CDC40: variants seen among roughly 807,000 people sequenced by gnomAD.
CDC40 encodes the protein cell division cycle 40.
CDC40 carries 27 observed loss-of-function variants against 80.6 expected under a neutral mutation model. That is an observed-to-expected ratio of 0.33 (90% CI 0.25 to 0.46). CDC40 has a LOEUF of 0.46. CDC40 is among the 20% of genes least tolerant of loss of function. CDC40 has a pLI of 1.00. For missense variants in CDC40, 486 were observed against 694.1 expected, an observed-to-expected ratio of 0.70 and a Z score of 3.37; for synonymous variants, 221 against 232.6, an observed-to-expected ratio of 0.95 and a Z score of 0.45.
rs200915168 is a variant in CDC40 at position 110,195,504 on chromosome 6, T to TA, written c.276+2237dup. Among the ~76,000 whole-genome samples the TA allele has an allele frequency of 2.0e-3, 305 of 152,278 alleles. 9 individuals are homozygous for TA. The East Asian group carries it at 0.052, about 26-fold the overall frequency. On this transcript the variant is annotated intron_variant, in intron 2 of 14. Transcript: ENST00000307731. The stretch of plus-strand genomic sequence containing the variant: ...GAGATTTGGAGTTAAGCGGAATACT[T>TA]ATTAGCTCTGTGTAACCTTGGACGT...
intron 12 of CDC40, among the ~76,000 whole-genome samples, chr6:110,221,894 A>G (rs562403017): frequency 6.8e-6 from 1 of 146,716 alleles, no homozygotes; most frequent in South Asian, 2.1e-4. Flanking sequence ...ATTTCCTCTC[A>G]GATCTTAGGA....
intron 2 of CDC40, among the ~76,000 whole-genome samples, chr6:110,199,394 A>C (rs1777460858): frequency 6.6e-6 from 1 of 151,946 alleles, no homozygotes; most frequent in Non-Finnish European, 1.5e-5. Flanking sequence ...GGAGATCGAG[A>C]CCATCCTGGA....
chr6:110,192,966 A>T (rs115901484), intron 1 of CDC40, among the ~76,000 whole-genome samples: 6,043 of 152,300 alleles, frequency 0.04, 138 homozygotes, highest in East Asian at 0.12. Context: ...AAATTAAAAA[A>T]TTTTAAATTG....
At chr6:110,220,264 T>G (rs1562206871) in intron 12 of CDC40, among the ~76,000 whole-genome samples, 1 of 152,112 alleles carries the variant, frequency 6.6e-6, no homozygotes, top group Non-Finnish European at 1.5e-5. Context: ...ATATCTTAAT[T>G]TTTTAAATGT....
chr6:110,187,299 C>T (rs2114648005), intron 1 of CDC40, among the ~76,000 whole-genome samples: 1 of 152,328 alleles, frequency 6.6e-6, no homozygotes, highest in South Asian at 2.1e-4. Flanking sequence ...GTTACAAAAA[C>T]AAAAGCAGAT....
chr6:110,219,879 C>T lies in CDC40; in HGVS notation c.1340+10C>T. 1 of 1,609,738 alleles carries T rather than the reference C, an allele frequency of 6.2e-7. No homozygotes were observed. The highest frequency in any genetic ancestry group is 8.5e-7 in the Non-Finnish European group (1 of 1,178,444). ...TAAGAGTTTGGGAATGGTGAGTTTC[C>T]ATCAGTAGAAAATCTGATTTACATA... On this transcript the variant is annotated intron_variant, in intron 12 of 14. Coordinates refer to ENST00000307731, the MANE Select transcript of CDC40 (RefSeq NM_015891.3).
intron 9 of CDC40, 84 bp from the exon 10 acceptor site, chr6:110,217,618 T>C: frequency 2.7e-6 from 2 of 733,540 alleles, no homozygotes; most frequent in Non-Finnish European, 5.0e-6. Flanking sequence ...CTTAGTGCTG[T>C]TTGTCTTTAT....
At chr6:110,229,386 G>A (rs1281169161) in intron 14 of CDC40, among the ~76,000 whole-genome samples, 1 of 152,140 alleles carries the variant, frequency 6.6e-6, no homozygotes, top group Non-Finnish European at 1.5e-5. Flanking sequence ...TGTCTGTGCT[G>A]AAACCTCAAA....
chr6:110,181,740 A>T (rs1777198263), intron 1 of CDC40, among the ~76,000 whole-genome samples: 1 of 152,030 alleles, frequency 6.6e-6, no homozygotes, highest in Non-Finnish European at 1.5e-5. Flanking sequence ...TCCTCAACCC[A>T]ATGCAGTCTG....
intron 12 of CDC40, among the ~76,000 whole-genome samples, chr6:110,225,043 T>G (rs938264418): frequency 6.6e-6 from 1 of 152,222 alleles, no homozygotes; most frequent in Non-Finnish European, 1.5e-5. Flanking sequence ...GGGTTGGAGA[T>G]CTGACAAATG....
chr6:110,222,574 A>G (rs975118885), intron 12 of CDC40, among the ~76,000 whole-genome samples: 1 of 151,718 alleles, frequency 6.6e-6, no homozygotes, highest in Non-Finnish European at 1.5e-5. Flanking sequence ...AAAAAAACAA[A>G]CAACAACAAC....
intron 1 of CDC40, among the ~76,000 whole-genome samples, chr6:110,191,464 G>A (rs72934102): frequency 2.2e-3 from 335 of 152,240 alleles, no homozygotes; most frequent in Non-Finnish European, 4.1e-3. Flanking sequence ...TGCAAAATCC[G>A]CCTTGTGTAG....
rs1383227729 is a variant in CDC40, at chr6:110,209,134, T to C, written c.541T>C (p.Phe181Leu). ...GAAGAAAACAGAAAAGAGGAAAAAG[T>C]TTAAAGAAAATGATGCATCCAATAT... Reference protein sequence around the residue: ...GQKKTEKRKKFKENDASNIDG... With the variant: ...GQKKTEKRKKLKENDASNIDG... Residue 181 changes from phenylalanine to leucine, a missense_variant, in exon 5 of 15, where the codon TTT (phenylalanine) becomes CTT (leucine). Coordinates refer to ENST00000307731, the MANE Select transcript of CDC40 (RefSeq NM_015891.3). 8 of 1,604,282 alleles carry C rather than the reference T, an allele frequency of 5.0e-6. No individual in the cohort carries two copies. The Admixed American group carries it at 1.2e-4, about 23-fold the overall frequency.
chr6:110,220,825 G>T (rs1199702773), intron 12 of CDC40, among the ~76,000 whole-genome samples: 1 of 152,144 alleles, frequency 6.6e-6, no homozygotes, highest in Admixed American at 6.5e-5. Context: ...AAAACCATCA[G>T]ATCTCATGTG....
At chr6:110,212,103 T>G (rs200012582) in intron 6 of CDC40, 30 bp from the exon 7 acceptor site, 3 of 1,590,400 alleles carry the variant, frequency 1.9e-6, no homozygotes, top group African/African-American at 1.3e-5. Context: ...TTGTATTTGT[T>G]TATTGATTTT....
intron 3 of CDC40, among the ~76,000 whole-genome samples, chr6:110,204,580 G>C (rs954857935): frequency 6.6e-5 from 10 of 151,258 alleles, no homozygotes; most frequent in Non-Finnish European, 1.2e-4. Context: ...AAAAGCTTTT[G>C]GTATATATTA....
intron 13 of CDC40, among the ~76,000 whole-genome samples, chr6:110,227,152 T>G (rs879400740): frequency 6.6e-6 from 1 of 152,234 alleles, no homozygotes; most frequent in Non-Finnish European, 1.5e-5. Context: ...ATAAATCTAT[T>G]TAATATTGTT....
intron 6 of CDC40, chr6:110,211,814 T>A (rs1300236105): frequency 1.1e-5 from 2 of 180,186 alleles, no homozygotes; most frequent in Non-Finnish European, 2.3e-5. Context: ...TATCTTCCCT[T>A]GCTATAATTA....
intron 6 of CDC40, 133 bp downstream of exon 6, chr6:110,210,936 C>A: frequency 2.8e-6 from 1 of 362,272 alleles, no homozygotes; most frequent in Non-Finnish European, 5.0e-6. Flanking sequence ...TTGTGTTGGA[C>A]AATTTGTATC....
Sources: gnomAD v4.1 joint callset for allele counts (sites outside exome capture counted in the v4.1 genomes callset) on GRCh38, gnomAD v4.1.1 for gene constraint, MANE v1.5 for transcripts, NCBI Gene and HGNC (gene_info 2026-07-23, HGNC 2026-07-21) for gene names.